Variants in STAU2 observed in about 807,000 individuals in gnomAD.
STAU2 encodes the protein double-stranded RNA-binding protein Staufen homolog 2.
In STAU2, 20 loss-of-function variants were observed where a neutral mutation model predicts 65.9. The ratio of observed to expected loss-of-function variants is 0.30; its 90% confidence interval spans 0.21 to 0.44. STAU2 has a LOEUF of 0.44. Ranked by LOEUF, STAU2 falls within the 20% of genes least tolerant of loss-of-function variation. STAU2 has a pLI of 1.00. For missense variants in STAU2, 558 were observed against 683.9 expected, an observed-to-expected ratio of 0.82 and a Z score of 2.05; for synonymous variants, 232 against 233.9, an observed-to-expected ratio of 0.99 and a Z score of 0.07.
chr8:73,740,724 G>A (rs1204488253), intron 1 of STAU2, among the ~76,000 whole-genome samples: 4 of 152,142 alleles, frequency 2.6e-5, no homozygotes, highest in East Asian at 3.9e-4. Flanking sequence ...ATTACTGGTC[G>A]GGTGTAGTGG....
At chr8:73,660,333 G>C (rs1816736206) in intron 6 of STAU2, among the ~76,000 whole-genome samples, 2 of 152,156 alleles carry the variant, frequency 1.3e-5, no homozygotes, top group African/African-American at 2.4e-5. Context: ...AGGAGGCTGA[G>C]GCAGGAGAAT....
intron 13 of STAU2, among the ~76,000 whole-genome samples, chr8:73,538,824 T>C (rs1806347503): frequency 6.6e-6 from 1 of 152,152 alleles, no homozygotes; most frequent in African/African-American, 2.4e-5. Flanking sequence ...CAAATCCAAA[T>C]TGGTAGCAAA....
chr8:73,460,538 A>C (rs1819302222), intron 13 of STAU2, among the ~76,000 whole-genome samples: 1 of 152,224 alleles, frequency 6.6e-6, no homozygotes, highest in Admixed American at 6.5e-5. Context: ...ATGGCTAAAT[A>C]ATTATTACAT....
At chr8:73,643,708 C>T (rs1469127794) in intron 6 of STAU2, among the ~76,000 whole-genome samples, 17 of 152,116 alleles carry the variant, frequency 1.1e-4, no homozygotes. Context: ...TTGAAAATGC[C>T]CCCATGTTTG....
rs374989828 is a variant in STAU2 at position 73,610,266 on chromosome 8, C to T, written c.891+3478G>A. On this transcript the variant is annotated intron_variant, in intron 9 of 14. Coordinates refer to ENST00000524300, the MANE Select transcript of STAU2 (RefSeq NM_001164380.2). ...ACTCCAGCCTGGGCAACAAGTGAGACCCTGTTTAAAAAAAAAAAAAACAAC... is the reference window on the plus strand; with the variant it reads ...ACTCCAGCCTGGGCAACAAGTGAGATCCTGTTTAAAAAAAAAAAAAACAAC... 2.1e-5 allele frequency among the ~76,000 whole-genome samples: 3 copies of T among 145,796 alleles called. 1 individual carries two copies. The highest frequency in any genetic ancestry group is 2.0e-4 in the Admixed American group (3 of 14,650).
At chr8:73,574,665 C>A (rs1363928051) in intron 12 of STAU2, among the ~76,000 whole-genome samples, 1 of 152,104 alleles carries the variant, frequency 6.6e-6, no homozygotes, top group African/African-American at 2.4e-5. Context: ...GGACAGAAAA[C>A]CAAACACTGC....
chr8:73,676,332 G>A (rs982017153), intron 5 of STAU2, among the ~76,000 whole-genome samples: 4 of 152,284 alleles, frequency 2.6e-5, no homozygotes, highest in African/African-American at 7.2e-5. Flanking sequence ...AATAAATGGT[G>A]CTGGATTAAA....
chr8:73,739,707 G>A lies in STAU2; in HGVS notation c.-84+49C>T, dbSNP rs1806704469. 3.9e-5 allele frequency: 56 copies of A among 1,436,388 alleles called. No homozygotes were observed. In the South Asian group the frequency reaches 6.1e-4, roughly 16 times the overall value. The allele number at this position is 1,436,388 out of a possible 1,614,324, so 89.0% of individuals were successfully genotyped here. ...ACGGGATGCTGTATAAAGAGCACACGGCCTGGATATTGGTGAATTTGAGTT... is the reference window on the plus strand; with the variant it reads ...ACGGGATGCTGTATAAAGAGCACACAGCCTGGATATTGGTGAATTTGAGTT... On this transcript the variant is annotated intron_variant, in intron 2 of 14. Coordinates refer to ENST00000524300, the MANE Select transcript of STAU2 (RefSeq NM_001164380.2).
chr8:73,573,973 C>T (rs1809315712), intron 12 of STAU2, among the ~76,000 whole-genome samples: 1 of 152,090 alleles, frequency 6.6e-6, no homozygotes, highest in African/African-American at 2.4e-5. Context: ...AGGCAACCTA[C>T]AGAATAGGAG....
At chr8:73,520,199 G>A (rs1455973056) in intron 13 of STAU2, among the ~76,000 whole-genome samples, 1 of 152,226 alleles carries the variant, frequency 6.6e-6, no homozygotes, top group Non-Finnish European at 1.5e-5. Context: ...CCAAATCACA[G>A]TCTCCTGAGA....
chr8:73,647,141 C>T (rs1465753142), intron 6 of STAU2, among the ~76,000 whole-genome samples: 6 of 152,166 alleles, frequency 3.9e-5, no homozygotes, highest in Non-Finnish European at 5.9e-5. Flanking sequence ...TGATGCCAGA[C>T]AGTTCAGCAA....
At chr8:73,467,403 G>A (rs1342186070) in intron 13 of STAU2, among the ~76,000 whole-genome samples, 7 of 152,064 alleles carry the variant, frequency 4.6e-5, no homozygotes, top group Admixed American at 4.6e-4. Flanking sequence ...ATGGTGGCGG[G>A]CGCCTGTAGT....
intron 3 of STAU2, among the ~76,000 whole-genome samples, chr8:73,713,383 A>G (rs1821029038): frequency 6.6e-6 from 1 of 152,216 alleles, no homozygotes; most frequent in East Asian, 1.9e-4. Flanking sequence ...GCTCACAGGC[A>G]AAATGATCTG....
Position 73,500,756 on chromosome 8 carries a change from T to C in STAU2, c.1530+51256A>G, listed in dbSNP as rs374786037. Among the ~76,000 whole-genome samples, 18 of 151,938 alleles carry C rather than the reference T, an allele frequency of 1.2e-4. 1 individual carries two copies. Among genetic ancestry groups the C allele is most frequent in the Middle Eastern group, 6.3e-3 (2 of 316 alleles). On this transcript the variant is annotated intron_variant, in intron 13 of 14. Coordinates refer to ENST00000524300, the MANE Select transcript of STAU2 (RefSeq NM_001164380.2). ...AAGACTAAACTTGAGACTAATTATATGATCAATGTCTCCTGTTTTATTATT... is the reference window on the plus strand; with the variant it reads ...AAGACTAAACTTGAGACTAATTATACGATCAATGTCTCCTGTTTTATTATT...
chr8:73,588,129 A>C (rs1810507705), intron 11 of STAU2, among the ~76,000 whole-genome samples: 1 of 152,216 alleles, frequency 6.6e-6, no homozygotes, highest in African/African-American at 2.4e-5. Flanking sequence ...TAACAATGAC[A>C]AACAGCCAAT....
intron 9 of STAU2, among the ~76,000 whole-genome samples, chr8:73,613,224 T>C (rs1302298249): frequency 2.0e-5 from 3 of 152,360 alleles, no homozygotes; most frequent in South Asian, 2.1e-4. Context: ...GTAGCTATCA[T>C]TGTTAGTATT....
At chr8:73,574,966 G>A (rs572090968) in intron 12 of STAU2, among the ~76,000 whole-genome samples, 74 of 150,400 alleles carry the variant, frequency 4.9e-4, no homozygotes, top group Non-Finnish European at 7.3e-4. Flanking sequence ...TTTCAGAGTC[G>A]GAAAGGTATT....
At chr8:73,520,677 A>G (rs959236717) in intron 13 of STAU2, among the ~76,000 whole-genome samples, 1 of 152,172 alleles carries the variant, frequency 6.6e-6, no homozygotes. Context: ...CCCAGGACAC[A>G]AGAAGATCAG....
intron 13 of STAU2, chr8:73,527,954 G>C (rs1805553460): frequency 4.1e-6 from 2 of 492,992 alleles, no homozygotes; most frequent in Non-Finnish European, 7.3e-6. Flanking sequence ...GACTTGAATT[G>C]AATCTATTAA....
Sources: gnomAD v4.1 joint callset for allele counts (sites outside exome capture counted in the v4.1 genomes callset) on GRCh38, gnomAD v4.1.1 for gene constraint, MANE v1.5 for transcripts, NCBI Gene and HGNC (gene_info 2026-07-23, HGNC 2026-07-21) for gene names.